CLNS1A: variants seen among roughly 807,000 people sequenced by gnomAD.
The protein encoded by CLNS1A is methylosome subunit pICln.
Under a neutral mutation model 29.4 loss-of-function variants are expected in CLNS1A, and 16 were observed. The ratio of observed to expected loss-of-function variants is 0.54; its 90% CI spans 0.37 to 0.83. The LOEUF is 0.83. Among genes scored for constraint, CLNS1A ranks in the 40% least tolerant of loss-of-function variants. The pLI is 0.00. For missense variants in CLNS1A, 235 were observed against 287.4 expected (o/e 0.82, Z 1.32); for synonymous variants, 96 against 104.8 (o/e 0.92, Z 0.51).
At position 77,625,120 on chromosome 11, in the gene CLNS1A, AC is replaced by A. The variant is rs139711418; in HGVS notation, c.365-51del. 1.1e-3 allele frequency: 1,508 copies of A among 1,326,686 alleles called. 17 individuals carry two copies. In the African/African-American group the frequency reaches 0.02, roughly 18 times the overall value. 82.2% of individuals were successfully genotyped at this position (1,326,686 alleles called of 1,614,324 possible). ...CCAATCTTTTTTTGTAATAAAAGTAACCATCAGTGCAAATAAATTTAATGGG... is the reference window on the plus strand; with the variant it reads ...CCAATCTTTTTTTGTAATAAAAGTAACATCAGTGCAAATAAATTTAATGGG... On this transcript the variant is annotated intron_variant, in intron 3 of 6. Coordinates refer to ENST00000525428, the MANE Select transcript of CLNS1A (RefSeq NM_001293.3).
At chr11:77,633,010 C>T (rs1959089962) in intron 1 of CLNS1A, among the ~76,000 whole-genome samples, 2 of 150,048 alleles carry the variant, frequency 1.3e-5, no homozygotes, top group Admixed American at 1.3e-4. Flanking sequence ...TTGGTTGAAT[C>T]CAGGAGGCGG....
chr11:77,626,542 G>A (rs1330946541), intron 2 of CLNS1A, among the ~76,000 whole-genome samples: 1 of 151,826 alleles, frequency 6.6e-6, no homozygotes, highest in Non-Finnish European at 1.5e-5. Context: ...AGGAGGTTGA[G>A]GCAGGAGAAT....
chr11:77,625,674 T>C (rs375927392), intron 3 of CLNS1A, 43 bp downstream of exon 3: 32 of 1,556,458 alleles, frequency 2.1e-5, no homozygotes, highest in Admixed American at 7.5e-5. Context: ...TTGGGAATGC[T>C]TGGTATGTAA....
At chr11:77,636,935 T>G (rs1959131377) in intron 1 of CLNS1A, among the ~76,000 whole-genome samples, 2 of 152,066 alleles carry the variant, frequency 1.3e-5, no homozygotes. Flanking sequence ...ACCAAAGTGC[T>G]CCACGTGGCC....
intron 3 of CLNS1A, 100 bp downstream of exon 3, chr11:77,625,617 G>A (rs1959008634): frequency 3.0e-6 from 3 of 993,838 alleles, no homozygotes; most frequent in Non-Finnish European, 4.3e-6. Flanking sequence ...AGGTAATGGT[G>A]GTAAAGGTGA....
intron 6 of CLNS1A, among the ~76,000 whole-genome samples, chr11:77,617,436 G>A (rs980825399): frequency 1.3e-5 from 2 of 150,404 alleles, no homozygotes; most frequent in African/African-American, 4.9e-5. Flanking sequence ...CAGCTATTCA[G>A]GAGGCTGAGG....
chr11:77,616,940 TG>T (rs1320272753), intron 6 of CLNS1A, among the ~76,000 whole-genome samples: 3 of 152,352 alleles, frequency 2.0e-5, no homozygotes, highest in African/African-American at 2.4e-5. Context: ...ACGATTAACG[TG>T]CCGTCTCCAC....
Position 77,622,498 on chromosome 11 carries a change from A to AC in CLNS1A, c.646+1dup. On this transcript the variant is annotated splice_donor_variant, in intron 5 of 6. Transcript: ENST00000525428. LOFTEE classifies it high-confidence loss of function. ...CTGTTCACACTGCAAAAGGACACTC[A>AC]CCTTCATAATCTCTTATTGAATCTT... The AC allele has an allele frequency of 1.3e-6, 2 of 1,583,478 alleles. No individual in the cohort carries two copies. Among genetic ancestry groups the AC allele is most frequent in the South Asian group, 2.3e-5 (2 of 85,234 alleles).
rs1366649731 is a variant in CLNS1A, at chr11:77,632,590, A to G, written c.126-2691T>C. On this transcript the variant is annotated intron_variant, in intron 1 of 6. Transcript: ENST00000525428. ...CTATAGGACAGAAGCCAAGTTCCAC[A>G]CTTAAAAACACTTATTCTAATCGTT... 3.3e-5 allele frequency among the ~76,000 whole-genome samples: 5 copies of G among 151,940 alleles called. No individual in the cohort carries two copies. In the South Asian group the frequency reaches 8.3e-4, roughly 25 times the overall value.
intron 1 of CLNS1A, among the ~76,000 whole-genome samples, chr11:77,636,540 T>C (rs914319961): frequency 2.6e-5 from 4 of 152,184 alleles, no homozygotes; most frequent in African/African-American, 9.7e-5. Flanking sequence ...TTCTTTACAG[T>C]TTTTGTGCTC....
At chr11:77,624,162 G>A (rs1046595179) in intron 4 of CLNS1A, among the ~76,000 whole-genome samples, 4 of 152,212 alleles carry the variant, frequency 2.6e-5, no homozygotes, top group African/African-American at 9.6e-5. Flanking sequence ...GTACTCAAGA[G>A]GCTGAGCTGG....
rs1958894836 is a variant in CLNS1A, at chr11:77,614,782, A to G, written c.*1936T>C. On this transcript the variant is annotated 3_prime_UTR_variant, in exon 7 of 7. Transcript: ENST00000525428. ...CTATGTACCTTTAAAGTGTCTCTAC[A>G]TCAGGAACACACAAAGAAAACAATT... The G allele has an allele frequency of 6.6e-6, 1 of 152,234 alleles. No homozygotes were observed. Among genetic ancestry groups the G allele is most frequent in the Admixed American group, 6.5e-5 (1 of 15,284 alleles). The allele number at this position is 152,234 out of a possible 1,614,324, so 9.4% of individuals were successfully genotyped here. A position where few individuals can be genotyped will look rare whatever the true frequency, so the allele number is the denominator to read the frequency against.
In CLNS1A at chr11:77,622,566, G is replaced by A. The variant is rs1332533761; in HGVS notation, c.580C>T (p.Gln194Ter). 1 of 1,613,584 alleles carries A rather than the reference G, an allele frequency of 6.2e-7. No homozygotes were observed. Among genetic ancestry groups the A allele is most frequent in the Non-Finnish European group, 8.5e-7 (1 of 1,179,872 alleles). ...TLERLEGMLS[Q>*]SVSSQYNMAG... ...ATATTATACTGGCTGCTCACAGACT[G>A]AGAAAGCATTCCTTCTAATCTCTCC... The change falls in exon 5 of 7, where the codon CAG becomes TAG. Residue 194 changes from glutamine to a stop codon, truncating the protein, a stop_gained. Transcript: ENST00000525428. LOFTEE classifies it high-confidence loss of function.
chr11:77,622,487 A>C lies in CLNS1A; in HGVS notation c.646+13T>G. The C allele has an allele frequency of 6.4e-7, 1 of 1,571,808 alleles. No individual in the cohort carries two copies. The highest frequency in any genetic ancestry group is 8.6e-7 in the Non-Finnish European group (1 of 1,162,540). On this transcript the variant is annotated intron_variant, in intron 5 of 6. Coordinates refer to ENST00000525428, the MANE Select transcript of CLNS1A (RefSeq NM_001293.3). ...TGCTCATCTGACTGTTCACACTGCA[A>C]AAGGACACTCACCTTCATAATCTCT...
At chr11:77,631,347 A>T (rs1472196773) in intron 1 of CLNS1A, among the ~76,000 whole-genome samples, 2 of 150,594 alleles carry the variant, frequency 1.3e-5, no homozygotes, top group African/African-American at 4.9e-5. Flanking sequence ...TTTTAGACAG[A>T]GTCTCGGTCT....
At chr11:77,636,793 CAT>C in intron 1 of CLNS1A, among the ~76,000 whole-genome samples, 1 of 152,138 alleles carries the variant, frequency 6.6e-6, no homozygotes, top group Non-Finnish European at 1.5e-5. Flanking sequence ...GGAAGCAACA[CAT>C]ATCTGAAGGG....
intron 1 of CLNS1A, among the ~76,000 whole-genome samples, chr11:77,634,723 CAAAAAAAAA>C (rs763196921): frequency 1.8e-5 from 1 of 54,096 alleles, no homozygotes; most frequent in Non-Finnish European, 3.8e-5. Flanking sequence ...GACTCTGTCT[CAAAAAAAAA>C]AAAAAAAAAA....
At chr11:77,629,462 C>A (rs957337361) in intron 2 of CLNS1A, among the ~76,000 whole-genome samples, 4 of 151,014 alleles carry the variant, frequency 2.6e-5, no homozygotes, top group African/African-American at 9.8e-5. Flanking sequence ...GGCATGATCT[C>A]GGCTCACTAC....
rs951936778 is a variant in CLNS1A, at chr11:77,619,537, A to G, written c.*22+69T>C. 1.7e-5 allele frequency: 18 copies of G among 1,075,152 alleles called. No individual in the cohort carries two copies. In the African/African-American group the frequency reaches 2.8e-4, roughly 17 times the overall value. 66.6% of individuals were successfully genotyped at this position (1,075,152 alleles called of 1,614,324 possible). On this transcript the variant is annotated intron_variant, in intron 6 of 6. Transcript: ENST00000525428. Reference sequence around the variant, plus strand: ...AGACCCTGTCTCAAGAAAGAATTTTAAAAAGTAGAAAGTAATCATTTCATA... The same window carrying G: ...AGACCCTGTCTCAAGAAAGAATTTTGAAAAGTAGAAAGTAATCATTTCATA...
Sources: gnomAD v4.1 joint callset for allele counts (sites outside exome capture counted in the v4.1 genomes callset) on GRCh38, gnomAD v4.1.1 for gene constraint, MANE v1.5 for transcripts, NCBI Gene and HGNC (gene_info 2026-07-23, HGNC 2026-07-21) for gene names.